The following RNF138 variants were observed in gnomAD, a reference collection of about 807,000 sequenced individuals.
RNF138 encodes the protein ring finger protein 138.
A neutral mutation model predicts 31.0 loss-of-function variants in RNF138; 12 were observed. The observed-to-expected ratio is 0.39, with a 90% CI of 0.25 to 0.63. The LOEUF is 0.63. RNF138 is among the 20% of genes least tolerant of loss of function. The probability of loss-of-function intolerance (pLI) is 0.52; values close to 1 mark genes in which losing one functional copy is unlikely to be tolerated. For missense variants in RNF138, 192 were observed against 300.1 expected (o/e 0.64, Z 2.66); for synonymous variants, 105 against 99.5 (o/e 1.06, Z -0.33).
At chr18:32,104,233 G>T (rs1045917533) in intron 2 of RNF138, among the ~76,000 whole-genome samples, 1 of 151,502 alleles carries the variant, frequency 6.6e-6, no homozygotes, top group Admixed American at 6.6e-5. Flanking sequence ...GGTTGGTCTC[G>T]AACTCCTGAG....
chr18:32,111,053 T>C (rs748939391), intron 2 of RNF138, among the ~76,000 whole-genome samples: 98 of 152,368 alleles, frequency 6.4e-4, no homozygotes, highest in Admixed American at 1.7e-3. Flanking sequence ...GTGCTGGGAT[T>C]ACAGGCGTGA....
chr18:32,131,305 C>G lies in RNF138; in HGVS notation c.*2118C>G, dbSNP rs1465311597. 1 of 136,050 alleles carries G rather than the reference C, an allele frequency of 7.4e-6. No homozygotes were observed. Among genetic ancestry groups the G allele is most frequent in the Non-Finnish European group, 1.6e-5 (1 of 62,538 alleles). The allele number at this position is 136,050 out of a possible 1,614,324, so 8.4% of individuals were successfully genotyped here. ...TGAAAATGATTGTTTAAAATTTCCC[C>G]TCTTTTTGTCAGTGCATTGGGAATA... is the stretch of plus-strand genomic sequence containing the variant. On this transcript the variant is annotated 3_prime_UTR_variant, in exon 8 of 8. Coordinates refer to ENST00000261593, the MANE Select transcript of RNF138 (RefSeq NM_016271.5).
chr18:32,105,656 G>A (rs1053566074), intron 2 of RNF138, among the ~76,000 whole-genome samples: 6 of 152,126 alleles, frequency 3.9e-5, no homozygotes, highest in African/African-American at 1.4e-4. Flanking sequence ...AAATGTGGGG[G>A]AATATCTCTG....
intron 6 of RNF138, among the ~76,000 whole-genome samples, chr18:32,126,166 G>A (rs534147329): frequency 1.3e-5 from 2 of 152,310 alleles, no homozygotes; most frequent in Admixed American, 1.3e-4. Flanking sequence ...AGGCCAAGGC[G>A]GGAGGATTGC....
intron 4 of RNF138, among the ~76,000 whole-genome samples, chr18:32,118,913 G>C (rs1025629088): frequency 6.6e-6 from 1 of 152,166 alleles, no homozygotes; most frequent in African/African-American, 2.4e-5. Context: ...GGCTGGTTTT[G>C]TATGGTGTCT....
chr18:32,104,215 G>A (rs1244783855), intron 2 of RNF138, among the ~76,000 whole-genome samples: 1 of 151,744 alleles, frequency 6.6e-6, no homozygotes, highest in Non-Finnish European at 1.5e-5. Context: ...GTTTCACCAT[G>A]TTGGCCAGGT....
rs570781835 is a variant in RNF138, at chr18:32,118,684, C to T, written c.392+4824C>T. 2.6e-5 allele frequency among the ~76,000 whole-genome samples: 4 copies of T among 151,980 alleles called. No individual in the cohort carries two copies. The South Asian group carries it at 8.3e-4, about 32-fold the overall frequency. On this transcript the variant is annotated intron_variant, in intron 4 of 7. Transcript: ENST00000261593. The stretch of plus-strand genomic sequence containing the variant: ...TCTCTCCCAAAAATAGAAAAATTAG[C>T]TGGGCGTGGTGGTGCGCGCCTGTAA...
chr18:32,109,121 G>T (rs1239274149), intron 2 of RNF138, among the ~76,000 whole-genome samples: 2 of 151,002 alleles, frequency 1.3e-5, no homozygotes, highest in African/African-American at 2.4e-5. Context: ...CTAACACTTG[G>T]TATTTCCCAC....
chr18:32,111,763 A>G lies in RNF138; in HGVS notation c.120A>G (p.Arg40=). The change falls in exon 3 of 8, where the codon AGA becomes AGG. Residue 40 remains arginine, a synonymous_variant. Transcript: ENST00000261593. ...RTTACQHVFC[R]KCFLTAMRES... ...ACAATGTTTGGTTTAGTTTCTGTAG[A>G]AAATGTTTCCTGACTGCAATGAGGG... 4 of 1,611,240 alleles carry G rather than the reference A, an allele frequency of 2.5e-6. No individual in the cohort carries two copies. The highest frequency in any genetic ancestry group is 2.5e-6 in the Non-Finnish European group (3 of 1,179,382).
Position 32,131,008 on chromosome 18 carries a change from ATT to A in RNF138, c.*1822_*1823del. On this transcript the variant is annotated 3_prime_UTR_variant, in exon 8 of 8. Coordinates refer to ENST00000261593, the MANE Select transcript of RNF138 (RefSeq NM_016271.5). The stretch of plus-strand genomic sequence containing the variant: ...TACATCCAATATGTCAAGTTAAACC[ATT>A]CTGGGATTTGCAAAGTTTAATACAT... 2 of 76,366 alleles carry A rather than the reference ATT, an allele frequency of 2.6e-5. No individual in the cohort carries two copies. Among genetic ancestry groups the A allele is most frequent in the East Asian group, 9.2e-4 (2 of 2,168 alleles). The allele number at this position is 76,366 out of a possible 1,614,324, so 4.7% of individuals were successfully genotyped here. A position where few individuals can be genotyped will look rare whatever the true frequency, so the allele number is the denominator to read the frequency against.
chr18:32,096,914 G>T (rs2039817851), intron 2 of RNF138, among the ~76,000 whole-genome samples: 1 of 152,078 alleles, frequency 6.6e-6, no homozygotes, highest in Admixed American at 6.6e-5. Flanking sequence ...AAATTTTTTT[G>T]TAGAGATGGG....
At chr18:32,112,506 T>C (rs1471334916) in intron 3 of RNF138, among the ~76,000 whole-genome samples, 1 of 152,072 alleles carries the variant, frequency 6.6e-6, no homozygotes, top group Non-Finnish European at 1.5e-5. Context: ...ACCAACATGG[T>C]GAAACCCCGT....
chr18:32,109,137 T>C (rs2040083905), intron 2 of RNF138, among the ~76,000 whole-genome samples: 1 of 151,298 alleles, frequency 6.6e-6, no homozygotes, highest in Non-Finnish European at 1.5e-5. Flanking sequence ...CCCACCGTTT[T>C]CATTTTTGTC....
At chr18:32,099,650 C>T (rs369279489) in intron 2 of RNF138, among the ~76,000 whole-genome samples, 28 of 152,132 alleles carry the variant, frequency 1.8e-4, no homozygotes, top group African/African-American at 6.0e-4. Flanking sequence ...AATGATCTGC[C>T]CCGCCTCGGC....
At chr18:32,120,871 C>T (rs1039914127) in intron 4 of RNF138, among the ~76,000 whole-genome samples, 1 of 152,072 alleles carries the variant, frequency 6.6e-6, no homozygotes, top group African/African-American at 2.4e-5. Flanking sequence ...TGGCTGGGGG[C>T]GGTGGCTCAT....
chr18:32,128,960 T>G (rs1442180652), intron 7 of RNF138, among the ~76,000 whole-genome samples, 159 bp from the exon 8 acceptor site: 1 of 152,240 alleles, frequency 6.6e-6, no homozygotes, highest in African/African-American at 2.4e-5. Flanking sequence ...AAATCTTGTA[T>G]CTTAAAAGAT....
At chr18:32,102,195 C>CTTTTTTTT (rs1167535943) in intron 2 of RNF138, among the ~76,000 whole-genome samples, 3 of 63,810 alleles carry the variant, frequency 4.7e-5, no homozygotes, top group African/African-American at 6.2e-5. Flanking sequence ...CTTTTAGTTT[C>CTTTTTTTT]TTTTTTTTTT....
In RNF138 at chr18:32,129,347, C is replaced by T; in HGVS notation, c.*160C>T. On this transcript the variant is annotated 3_prime_UTR_variant, in exon 8 of 8. Transcript: ENST00000261593. ...ATAAAGGTAGGGCTTCTAAAAACTT[C>T]ATCATCTTGATAAGTTAAAAAATGA... 3.7e-6 allele frequency: 2 copies of T among 534,286 alleles called. No individual in the cohort carries two copies. The highest frequency in any genetic ancestry group is 6.7e-6 in the Non-Finnish European group (2 of 299,472). 33.1% of individuals were successfully genotyped at this position (534,286 alleles called of 1,614,324 possible). A position where few individuals can be genotyped will look rare whatever the true frequency, so the allele number is the denominator to read the frequency against.
At chr18:32,103,145 C>CT (rs1023251489) in intron 2 of RNF138, among the ~76,000 whole-genome samples, 9 of 151,998 alleles carry the variant, frequency 5.9e-5, no homozygotes, top group African/African-American at 2.2e-4. Flanking sequence ...TTTGTTTCTC[C>CT]TTTTTTAGTA....
Sources: allele counts gnomAD v4.1 joint callset (sites outside exome capture counted in the v4.1 genomes callset), GRCh38; gene constraint gnomAD v4.1.1; transcripts MANE v1.5; gene names NCBI Gene and HGNC (gene_info 2026-07-23, HGNC 2026-07-21).